Variants in CENPU observed in about 807,000 individuals in gnomAD.
The protein encoded by CENPU is centromere protein U, also known as KSHV latent nuclear antigen interacting protein 1.
A neutral mutation model predicts 56.7 loss-of-function variants in CENPU; 46 were observed. The ratio of observed to expected loss-of-function variants is 0.81; its 90% CI spans 0.64 to 1.04. CENPU has a LOEUF of 1.04. CENPU is among the 50% of genes least tolerant of loss of function. CENPU has a pLI of 0.00. For synonymous variants in CENPU, 166 were observed against 163.0 expected, an observed-to-expected ratio of 1.02 and a Z score of -0.14; for missense variants, 510 against 490.1, an observed-to-expected ratio of 1.04 and a Z score of -0.38.
chr4:184,716,178 C>T lies in CENPU; in HGVS notation c.618+219G>A, dbSNP rs570886730. ...TTGAACTTCTGACCTCAGGTGATCCCCCTGCCTCGGTCTCCCAAAGTGCTG... is the reference window on the plus strand; with the variant it reads ...TTGAACTTCTGACCTCAGGTGATCCTCCTGCCTCGGTCTCCCAAAGTGCTG... On this transcript the variant is annotated intron_variant, in intron 6 of 12. Coordinates refer to ENST00000281453, the MANE Select transcript of CENPU (RefSeq NM_024629.4). 2.6e-5 allele frequency among the ~76,000 whole-genome samples: 4 copies of T among 152,124 alleles called. No individual in the cohort carries two copies. The South Asian group carries it at 6.2e-4, about 24-fold the overall frequency.
chr4:184,718,015 G>T (rs2130392), intron 4 of CENPU, among the ~76,000 whole-genome samples: 5 of 152,040 alleles, frequency 3.3e-5, no homozygotes, highest in South Asian at 2.1e-4. Context: ...GAACGCTAGG[G>T]AAGAGTCAAA....
At chr4:184,732,625 G>GT (rs397755589) in intron 1 of CENPU, among the ~76,000 whole-genome samples, 1 of 148,922 alleles carries the variant, frequency 6.7e-6, no homozygotes, top group African/African-American at 2.4e-5. Context: ...TCTTGGGGGG[G>GT]AAAAAAAGTC....
intron 6 of CENPU, among the ~76,000 whole-genome samples, chr4:184,716,028 G>A (rs903128311): frequency 1.3e-5 from 2 of 151,758 alleles, no homozygotes; most frequent in African/African-American, 4.8e-5. Flanking sequence ...TACCTCCTGG[G>A]CTCAAGCAAT....
Position 184,716,607 on chromosome 4 carries a change from A to G in CENPU, c.408T>C (p.Ser136=). 3 of 1,614,104 alleles carry G rather than the reference A, an allele frequency of 1.9e-6. No individual in the cohort carries two copies. The highest frequency in any genetic ancestry group is 2.5e-6 in the Non-Finnish European group (3 of 1,179,990). ...TTTCTTCAATGCTTTCAGAGTCATC[A>G]CTAATGGGCCTGAGCTTTCTTCCTG... ...KKPGRKLRPI[S]DDSESIEESD... is the part of the protein sequence containing the mutation. Residue 136 remains serine, a synonymous_variant, in exon 6 of 13, where the codon AGT becomes AGC. Transcript: ENST00000281453.
chr4:184,694,650 T>C lies in CENPU; in HGVS notation c.*638A>G. The C allele has an allele frequency of 6.2e-7, 1 of 1,614,176 alleles. No individual in the cohort carries two copies. The highest frequency in any genetic ancestry group is 8.5e-7 in the Non-Finnish European group (1 of 1,180,026). Reference sequence around the variant, plus strand: ...ATGCTGTCTGGGATAATGGCATTGATGATGCTTATTTTTTAGAAGCTACTG... The same window carrying C: ...ATGCTGTCTGGGATAATGGCATTGACGATGCTTATTTTTTAGAAGCTACTG... On this transcript the variant is annotated 3_prime_UTR_variant, in exon 13 of 13. Coordinates refer to ENST00000281453, the MANE Select transcript of CENPU (RefSeq NM_024629.4).
chr4:184,727,080 C>T (rs758283724), intron 3 of CENPU, among the ~76,000 whole-genome samples: 2 of 143,378 alleles, frequency 1.4e-5, no homozygotes, highest in Admixed American at 1.4e-4. Flanking sequence ...CGCGCCACTG[C>T]ACTTCAGCCT....
intron 3 of CENPU, among the ~76,000 whole-genome samples, chr4:184,727,398 G>A (rs1438404583): frequency 2.0e-5 from 3 of 152,164 alleles, no homozygotes; most frequent in East Asian, 3.9e-4. Context: ...ATCTGCTACA[G>A]AGTTAATACA....
chr4:184,699,720 G>T, intron 11 of CENPU: 3 of 816,596 alleles, frequency 3.7e-6, no homozygotes, highest in Non-Finnish European at 3.5e-6. Context: ...GAGTGCACTG[G>T]CACAATCTCG....
At position 184,701,366 on chromosome 4, in the gene CENPU, C is replaced by T. The variant is rs188000522; in HGVS notation, c.925-485G>A. Among the ~76,000 whole-genome samples, 422 of 152,214 alleles carry T rather than the reference C, an allele frequency of 2.8e-3. 3 individuals carry two copies. The highest frequency in any genetic ancestry group is 5.0e-3 in the South Asian group (24 of 4,824). ...TCCGTAATAAGCAATGCAGAAATGACCAATAAGAGATTAAAACTGAAAAAC... is the reference window on the plus strand; with the variant it reads ...TCCGTAATAAGCAATGCAGAAATGATCAATAAGAGATTAAAACTGAAAAAC... On this transcript the variant is annotated intron_variant, in intron 10 of 12. Coordinates refer to ENST00000281453, the MANE Select transcript of CENPU (RefSeq NM_024629.4).
chr4:184,706,265 A>G (rs1760724842), intron 8 of CENPU, among the ~76,000 whole-genome samples: 1 of 152,206 alleles, frequency 6.6e-6, no homozygotes, highest in Non-Finnish European at 1.5e-5. Context: ...ACTACTCTGG[A>G]GGCTGAGATG....
chr4:184,725,508 G>A (rs1761421377), intron 3 of CENPU, among the ~76,000 whole-genome samples: 1 of 152,188 alleles, frequency 6.6e-6, no homozygotes, highest in South Asian at 2.1e-4. Flanking sequence ...GTCTCACTAT[G>A]TTGCCCAGGT....
chr4:184,724,127 A>G (rs374984182), intron 4 of CENPU, among the ~76,000 whole-genome samples: 6 of 151,814 alleles, frequency 4.0e-5, no homozygotes, highest in African/African-American at 1.2e-4. Flanking sequence ...TCAGCTGGGC[A>G]TGGTGGCGGG....
chr4:184,697,773 T>A lies in CENPU; in HGVS notation c.1017A>T (p.Thr339=), dbSNP rs746778528. The A allele has an allele frequency of 6.2e-7, 1 of 1,607,498 alleles. No individual in the cohort carries two copies. The highest frequency in any genetic ancestry group is 8.5e-7 in the Non-Finnish European group (1 of 1,178,592). The change falls in exon 12 of 13, where the codon ACA becomes ACT. Residue 339 remains threonine (T), a synonymous_variant. Coordinates refer to ENST00000281453, the MANE Select transcript of CENPU (RefSeq NM_024629.4). ...TTCTCTCTTTAAGTTCATCATATTT[T>A]GTTTGTAGTTGTTTCAGCTGTGGCT... The part of the protein sequence containing the change: ...RLEPQLKQLQ[T]KYDELKERKS...
At chr4:184,707,433 C>T (rs1325304357) in intron 8 of CENPU, among the ~76,000 whole-genome samples, 4 of 152,128 alleles carry the variant, frequency 2.6e-5, no homozygotes, top group Non-Finnish European at 4.4e-5. Flanking sequence ...TGGGGTTGGA[C>T]TTGTGGGGCC....
chr4:184,714,821 T>G (rs939378325), intron 6 of CENPU, among the ~76,000 whole-genome samples: 3 of 152,106 alleles, frequency 2.0e-5, no homozygotes, highest in African/African-American at 4.8e-5. Flanking sequence ...CAAAAGTCAA[T>G]GGACTTTTAG....
intron 1 of CENPU, chr4:184,733,377 C>T (rs1761724762): frequency 1.0e-6 from 1 of 989,956 alleles, no homozygotes; most frequent in Non-Finnish European, 1.2e-6. Flanking sequence ...CTTTGTGCAC[C>T]GTCTGCAGCA....
At chr4:184,703,798 T>C (rs1246204428) in intron 8 of CENPU, among the ~76,000 whole-genome samples, 10 of 152,198 alleles carry the variant, frequency 6.6e-5, no homozygotes, top group African/African-American at 2.4e-4. Context: ...AAAGGAAATG[T>C]GTTAAAATCA....
rs1579756286 is a variant in CENPU at position 184,699,902 on chromosome 4, C to T, written c.986+918G>A. ...GAACTCCTGACCTCAAGTGATCTGC[C>T]CACCTCGGCCTCCCAAAGTGCTGGG... On this transcript the variant is annotated intron_variant, in intron 11 of 12. Coordinates refer to ENST00000281453, the MANE Select transcript of CENPU (RefSeq NM_024629.4). 2.0e-5 allele frequency among the ~76,000 whole-genome samples: 3 copies of T among 152,204 alleles called. No individual in the cohort carries two copies. The East Asian group carries it at 5.8e-4, about 29-fold the overall frequency.
chr4:184,718,542 T>C (rs572961532), intron 4 of CENPU, among the ~76,000 whole-genome samples: 1 of 151,856 alleles, frequency 6.6e-6, no homozygotes, highest in African/African-American at 2.4e-5. Flanking sequence ...CTCTGGAAGG[T>C]GTATGGGCGG....
Sources: gnomAD v4.1 joint callset for allele counts (sites outside exome capture counted in the v4.1 genomes callset) on GRCh38, gnomAD v4.1.1 for gene constraint, MANE v1.5 for transcripts, NCBI Gene and HGNC (gene_info 2026-07-23, HGNC 2026-07-21) for gene names.